Variants in CDH13 observed in about 807,000 individuals in gnomAD.
The protein encoded by CDH13 is cadherin-13.
Under a neutral mutation model 63.8 loss-of-function variants are expected in CDH13, and 24 were observed. The ratio of observed to expected loss-of-function variants is 0.38; its 90% CI spans 0.27 to 0.53. The LOEUF is 0.53. Among genes scored for constraint, CDH13 ranks in the 20% least tolerant of loss-of-function variants. The pLI is 0.85. For missense variants in CDH13, 1,049 were observed against 903.1 expected, an observed-to-expected ratio of 1.16 and a Z score of -2.07; for synonymous variants, 503 against 355.3, an observed-to-expected ratio of 1.42 and a Z score of -4.67.
In CDH13 at chr16:83,795,405, G is replaced by T. The variant is rs1245842146; in HGVS notation, c.*375G>T. 4.5e-6 allele frequency: 1 copy of T among 222,534 alleles called. No individual in the cohort carries two copies. The highest frequency in any genetic ancestry group is 9.0e-6 in the Non-Finnish European group (1 of 110,962). The allele number at this position is 222,534 out of a possible 1,614,324, so 13.8% of individuals were successfully genotyped here. A position where few individuals can be genotyped will look rare whatever the true frequency, so the allele number is the denominator to read the frequency against. ...TTGGTGTATGTATGAGTATCTGTAT[G>T]TATATATACACGGTATTTATAGAGA... is the stretch of plus-strand genomic sequence containing the variant. On this transcript the variant is annotated 3_prime_UTR_variant, in exon 14 of 14. Coordinates refer to ENST00000567109, the MANE Select transcript of CDH13 (RefSeq NM_001257.5).
rs796719230 is a variant in CDH13, at chr16:82,682,417, T to C, written c.45+55280T>C. Among the ~76,000 whole-genome samples, 49 of 152,284 alleles carry C rather than the reference T, an allele frequency of 3.2e-4. 1 individual carries two copies. The highest frequency in any genetic ancestry group is 1.1e-3 in the African/African-American group (47 of 41,560). On this transcript the variant is annotated intron_variant, in intron 1 of 13. Coordinates refer to ENST00000567109, the MANE Select transcript of CDH13 (RefSeq NM_001257.5). ...GAGAAACAGAGGAGAGGCCACCTATTGGAGGCAGGCACTGGCATCTGGTCA... is the reference window on the plus strand; with the variant it reads ...GAGAAACAGAGGAGAGGCCACCTATCGGAGGCAGGCACTGGCATCTGGTCA...
chr16:83,557,370 A>G (rs931461876), intron 7 of CDH13, among the ~76,000 whole-genome samples: 2 of 152,176 alleles, frequency 1.3e-5, no homozygotes, highest in Non-Finnish European at 2.9e-5. Context: ...AATGGGCTTG[A>G]CTCATCCCAA....
At chr16:82,819,307 G>GA (rs1597697104) in intron 1 of CDH13, among the ~76,000 whole-genome samples, 1 of 152,190 alleles carries the variant, frequency 6.6e-6, no homozygotes, top group African/African-American at 2.4e-5. Flanking sequence ...AGGAGGTATT[G>GA]AACCTTTTCA....
intron 5 of CDH13, among the ~76,000 whole-genome samples, chr16:83,329,795 C>T (rs1382845029): frequency 2.6e-5 from 4 of 152,090 alleles, no homozygotes; most frequent in Admixed American, 1.3e-4. Context: ...TTGTGATTGG[C>T]TTTATTTCAG....
At chr16:83,119,761 T>G (rs113071836) in intron 3 of CDH13, among the ~76,000 whole-genome samples, 2,954 of 152,292 alleles carry the variant, frequency 0.019, 67 homozygotes, top group African/African-American at 0.054. Flanking sequence ...AGTCAAATCA[T>G]GTATGATGGT....
intron 1 of CDH13, among the ~76,000 whole-genome samples, chr16:82,634,426 C>T (rs2150872712): frequency 6.6e-6 from 1 of 152,348 alleles, no homozygotes; most frequent in African/African-American, 2.4e-5. Context: ...CTGGACACTG[C>T]CAGCGGAACC....
At chr16:83,182,636 G>C (rs963044118) in intron 4 of CDH13, among the ~76,000 whole-genome samples, 2 of 152,148 alleles carry the variant, frequency 1.3e-5, no homozygotes, top group East Asian at 1.9e-4. Flanking sequence ...TAGTCTAAAT[G>C]CTTATTGTGA....
intron 7 of CDH13, among the ~76,000 whole-genome samples, chr16:83,501,617 C>T (rs1384715833): frequency 6.6e-6 from 1 of 152,164 alleles, no homozygotes; most frequent in African/African-American, 2.4e-5. Context: ...CTCTGTAAGG[C>T]TGAAATTGCC....
chr16:82,906,104 A>T (rs1019863767), intron 2 of CDH13, among the ~76,000 whole-genome samples: 6 of 152,164 alleles, frequency 3.9e-5, no homozygotes, highest in African/African-American at 1.2e-4. Context: ...CTGTACATCT[A>T]TCTCTCTAGA....
At chr16:83,101,671 G>C (rs1378730711) in intron 3 of CDH13, among the ~76,000 whole-genome samples, 1 of 152,168 alleles carries the variant, frequency 6.6e-6, no homozygotes, top group Non-Finnish European at 1.5e-5. Flanking sequence ...TTGCATGCAT[G>C]TCATCCCAGC....
intron 4 of CDH13, among the ~76,000 whole-genome samples, chr16:83,135,453 C>T (rs2036239305): frequency 6.6e-6 from 1 of 152,182 alleles, no homozygotes; most frequent in African/African-American, 2.4e-5. Flanking sequence ...ACAGTGGAGG[C>T]TCTGAACTGA....
At chr16:82,997,134 GTGGTGATGA>G (rs563228300) in intron 2 of CDH13, among the ~76,000 whole-genome samples, 20,838 of 145,698 alleles carry the variant, frequency 0.14, 1,546 homozygotes, top group African/African-American at 0.21. Flanking sequence ...GGTGGTGATG[GTGGTGATGA>G]TGGTGATGAT....
Position 83,128,278 on chromosome 16 carries a change from C to G in CDH13, c.483+2777C>G, listed in dbSNP as rs190920141. ...GGAGGACTGCCGGTCTTAAGCAGTC[C>G]TCCAAGAGTGGTTGTGGACCAGCTA... On this transcript the variant is annotated intron_variant, in intron 4 of 13. Transcript: ENST00000567109. Among the ~76,000 whole-genome samples, 22 of 152,284 alleles carry G rather than the reference C, an allele frequency of 1.4e-4. 1 individual carries two copies. In the East Asian group the frequency reaches 4.3e-3, roughly 29 times the overall value.
intron 6 of CDH13, among the ~76,000 whole-genome samples, chr16:83,431,945 A>G (rs749220243): frequency 6.6e-6 from 1 of 152,174 alleles, no homozygotes; most frequent in Non-Finnish European, 1.5e-5. Context: ...CCATTGGCAG[A>G]TTTTGAGCAG....
At chr16:82,902,552 C>T (rs983032810) in intron 2 of CDH13, among the ~76,000 whole-genome samples, 2 of 152,052 alleles carry the variant, frequency 1.3e-5, no homozygotes, top group Non-Finnish European at 2.9e-5. Flanking sequence ...TTTATTTACT[C>T]GTTTCACTTG....
intron 5 of CDH13, among the ~76,000 whole-genome samples, chr16:83,315,337 C>G (rs976055476): frequency 2.0e-5 from 3 of 152,184 alleles, no homozygotes; most frequent in African/African-American, 4.8e-5. Flanking sequence ...CCACTAAACT[C>G]TGATGTCATA....
intron 10 of CDH13, among the ~76,000 whole-genome samples, chr16:83,731,766 C>T (rs1911066721): frequency 2.0e-5 from 3 of 152,138 alleles, no homozygotes; most frequent in Admixed American, 2.0e-4. Flanking sequence ...TCTGGCAAGT[C>T]AGTTTAGAAG....
chr16:83,054,970 A>T (rs930069425), intron 3 of CDH13, among the ~76,000 whole-genome samples: 1 of 152,126 alleles, frequency 6.6e-6, no homozygotes, highest in African/African-American at 2.4e-5. Context: ...GTTTCAAAAG[A>T]TAGAAATCAT....
At chr16:82,677,171 T>C (rs1439824050) in intron 1 of CDH13, among the ~76,000 whole-genome samples, 1 of 152,234 alleles carries the variant, frequency 6.6e-6, no homozygotes, top group Non-Finnish European at 1.5e-5. Context: ...AGTGAGCCAC[T>C]GCGCCTGGCC....
Sources: allele counts gnomAD v4.1 joint callset (sites outside exome capture counted in the v4.1 genomes callset), GRCh38; gene constraint gnomAD v4.1.1; transcripts MANE v1.5; gene names NCBI Gene and HGNC (gene_info 2026-07-23, HGNC 2026-07-21).